SLC1A4: variants seen among roughly 807,000 people sequenced by gnomAD.
The protein encoded by SLC1A4 is neutral amino acid transporter A.
In SLC1A4, 19 loss-of-function variants were observed where a neutral mutation model predicts 37.7. The ratio of observed to expected loss-of-function variants is 0.50; its 90% confidence interval spans 0.35 to 0.74. The LOEUF (loss-of-function observed/expected upper bound fraction) is 0.74. Ranked by LOEUF, SLC1A4 falls within the 30% of genes least tolerant of loss-of-function variation. SLC1A4 has a pLI of 0.01. For missense variants in SLC1A4, 570 were observed against 712.9 expected (o/e 0.80, Z 2.28); for synonymous variants, 299 against 309.8 (o/e 0.97, Z 0.37).
intron 1 of SLC1A4, chr2:65,000,210 G>A (rs1236483789): frequency 6.6e-6 from 1 of 152,332 alleles, no homozygotes; most frequent in South Asian, 2.1e-4. Flanking sequence ...AGAATTTCTT[G>A]TATATCAAGA....
chr2:64,992,533 G>A (rs991710439), intron 1 of SLC1A4, among the ~76,000 whole-genome samples: 3 of 152,264 alleles, frequency 2.0e-5, no homozygotes, highest in East Asian at 3.9e-4. Context: ...AGCAGCTCAC[G>A]GATAAAGGTA....
At chr2:64,993,112 G>A (rs899212450) in intron 1 of SLC1A4, among the ~76,000 whole-genome samples, 2 of 152,222 alleles carry the variant, frequency 1.3e-5, no homozygotes, top group Admixed American at 1.3e-4. Context: ...GACTCTGCCA[G>A]TAAACGCCTC....
intron 1 of SLC1A4, among the ~76,000 whole-genome samples, chr2:64,995,134 C>T (rs535145146): frequency 2.0e-5 from 3 of 152,074 alleles, no homozygotes; most frequent in Admixed American, 6.5e-5. Flanking sequence ...CAGGAGGACA[C>T]CTGAATAGTT....
intron 7 of SLC1A4, among the ~76,000 whole-genome samples, chr2:65,019,085 G>T (rs908581738): frequency 6.6e-6 from 1 of 152,202 alleles, no homozygotes; most frequent in East Asian, 1.9e-4. Context: ...ATTTCTGTGA[G>T]GGGAGGGAGG....
In SLC1A4 at chr2:65,018,077, G is replaced by C. The variant is rs115498588; in HGVS notation, c.1041G>C (p.Ala347=). 3 of 1,612,018 alleles carry C rather than the reference G, an allele frequency of 1.9e-6. No individual in the cohort carries two copies. Among genetic ancestry groups the C allele is most frequent in the Non-Finnish European group, 2.5e-6 (3 of 1,178,568 alleles). Residue 347 remains alanine, a synonymous_variant, in exon 6 of 8, where the codon GCG becomes GCC. Coordinates refer to ENST00000234256, the MANE Select transcript of SLC1A4 (RefSeq NM_003038.5). This position sits in a 1 kb window ranked among gnomAD's most constrained non-coding sequence, Gnocchi z 4.3. ...TTGTTTTTCCCATTTCTAGCTCAGCGACCCTTCCCTCTATGATGAAGTGCA... is the reference window on the plus strand; with the variant it reads ...TTGTTTTTCCCATTTCTAGCTCAGCCACCCTTCCCTCTATGATGAAGTGCA... ...ATAFATCSSS[A]TLPSMMKCIE...
upstream of SLC1A4, among the ~76,000 whole-genome samples, chr2:64,989,110 G>A (rs1434357429): frequency 1.3e-5 from 2 of 152,016 alleles, no homozygotes; most frequent in African/African-American, 4.8e-5. Flanking sequence ...GCCCGGAGCC[G>A]GCCTCCGTTA....
chr2:65,020,382 T>G lies in SLC1A4; in HGVS notation c.1365-530T>G, dbSNP rs993668021. Among the ~76,000 whole-genome samples, 24 of 152,174 alleles carry G rather than the reference T, an allele frequency of 1.6e-4. 1 individual carries two copies. The highest frequency in any genetic ancestry group is 2.9e-5 in the Non-Finnish European group (2 of 68,038). ...CCTGGACTCAAGCAATCCCCCCACC[T>G]CAGCCTCCTGAGTAGCTAGGATTAC... On this transcript the variant is annotated intron_variant, in intron 7 of 7. Transcript: ENST00000234256.
chr2:64,988,554 G>T (rs111869239), upstream of SLC1A4: 1 of 152,466 alleles, frequency 6.6e-6, no homozygotes, highest in East Asian at 1.9e-4. Flanking sequence ...GGAGCGCCCC[G>T]GTGCGCGCGG....
intron 4 of SLC1A4, among the ~76,000 whole-genome samples, chr2:65,015,900 G>C (rs569021976): frequency 1.3e-5 from 2 of 152,314 alleles, no homozygotes; most frequent in Non-Finnish European, 2.9e-5. Flanking sequence ...TCACGCTCCA[G>C]GCGTGTTCCC....
At position 65,021,957 on chromosome 2, in the gene SLC1A4, C is replaced by G. The variant is rs1464987186; in HGVS notation, c.*811C>G. 1 of 152,340 alleles carries G rather than the reference C, an allele frequency of 6.6e-6. No individual in the cohort carries two copies. Among genetic ancestry groups the G allele is most frequent in the Non-Finnish European group, 1.5e-5 (1 of 68,108 alleles). The allele number at this position is 152,340 out of a possible 1,614,324, so 9.4% of individuals were successfully genotyped here. A position where few individuals can be genotyped will look rare whatever the true frequency, so the allele number is the denominator to read the frequency against. On this transcript the variant is annotated 3_prime_UTR_variant, in exon 8 of 8. Coordinates refer to ENST00000234256, the MANE Select transcript of SLC1A4 (RefSeq NM_003038.5). ...CACTTTTCTGCTTCCTTCCAGAGGCCTGGGCCTCTGATAACACTTTGGCTT... is the reference window on the plus strand; with the variant it reads ...CACTTTTCTGCTTCCTTCCAGAGGCGTGGGCCTCTGATAACACTTTGGCTT...
intron 4 of SLC1A4, among the ~76,000 whole-genome samples, chr2:65,011,091 T>A (rs1468107655): frequency 6.6e-6 from 1 of 152,204 alleles, no homozygotes; most frequent in Non-Finnish European, 1.5e-5. Flanking sequence ...TGTCATCTTG[T>A]GGGAAAGTGA....
chr2:65,023,728 C>CAAGGACAAGGAG lies in SLC1A4; in HGVS notation c.*2583_*2584insAGGACAAGGAGA, dbSNP rs1674523262. ...AATCTCACATCTCCTTGTCTGAAAA[C>CAAGGACAAGGAG]ATTTCCCCTGCTGTTCTCTTTCTAA... is the stretch of plus-strand genomic sequence containing the variant. On this transcript the variant is annotated 3_prime_UTR_variant, in exon 8 of 8. Coordinates refer to ENST00000234256, the MANE Select transcript of SLC1A4 (RefSeq NM_003038.5). The CAAGGACAAGGAG allele has an allele frequency of 6.5e-6, 1 of 152,678 alleles. No individual in the cohort carries two copies. Among genetic ancestry groups the CAAGGACAAGGAG allele is most frequent in the African/African-American group, 2.4e-5 (1 of 41,466 alleles). 9.5% of individuals were successfully genotyped at this position (152,678 alleles called of 1,614,324 possible). A position where few individuals can be genotyped will look rare whatever the true frequency, so the allele number is the denominator to read the frequency against.
At chr2:65,020,257 A>G (rs1051781854) in intron 7 of SLC1A4, among the ~76,000 whole-genome samples, 3 of 151,566 alleles carry the variant, frequency 2.0e-5, no homozygotes, top group African/African-American at 4.8e-5. Context: ...TATTATCCCA[A>G]TATGTTTGTT....
chr2:64,997,238 T>C (rs1204720786), intron 1 of SLC1A4, among the ~76,000 whole-genome samples: 2 of 152,212 alleles, frequency 1.3e-5, no homozygotes, highest in Non-Finnish European at 2.9e-5. Context: ...TAAAAAAAAG[T>C]TCAGCCCTCC....
intron 3 of SLC1A4, among the ~76,000 whole-genome samples, chr2:65,008,886 G>A (rs1179598116): frequency 6.6e-6 from 1 of 152,042 alleles, no homozygotes; most frequent in Non-Finnish European, 1.5e-5. Context: ...TTTATAAATG[G>A]GGAACTGAGT....
chr2:65,018,648 C>A lies in SLC1A4; in HGVS notation c.1333C>A (p.Leu445Met). The A allele has an allele frequency of 6.2e-7, 1 of 1,614,236 alleles. No homozygotes were observed. The highest frequency in any genetic ancestry group is 8.5e-7 in the Non-Finnish European group (1 of 1,180,044). ...LEAIGLPTHDLPLILAVDWIV... is the reference protein window; with the variant it reads ...LEAIGLPTHDMPLILAVDWIV... The stretch of plus-strand genomic sequence containing the variant: ...GGCCATTGGGCTGCCTACTCATGAC[C>A]TGCCTCTGATCCTGGCTGTGGACTG... Residue 445 changes from leucine to methionine, a missense_variant, in exon 7 of 8, where the codon CTG (leucine) becomes ATG (methionine). By Grantham distance (15) the Leu-to-Met change is conservative. Transcript: ENST00000234256. This position sits in a 1 kb window ranked among gnomAD's most constrained non-coding sequence, Gnocchi z 4.3.
intron 4 of SLC1A4, among the ~76,000 whole-genome samples, chr2:65,013,700 T>C (rs1674014130): frequency 6.6e-6 from 1 of 152,226 alleles, no homozygotes; most frequent in African/African-American, 2.4e-5. Context: ...ATGCCTTAAC[T>C]AGTTAAGGGA....
intron 4 of SLC1A4, among the ~76,000 whole-genome samples, chr2:65,015,580 C>T (rs577356942): frequency 3.3e-5 from 5 of 152,214 alleles, no homozygotes; most frequent in African/African-American, 7.2e-5. Flanking sequence ...GTATTACTAT[C>T]GGGTTTTTAA....
intron 5 of SLC1A4, among the ~76,000 whole-genome samples, chr2:65,017,763 T>C (rs545626954): frequency 6.6e-6 from 1 of 152,360 alleles, no homozygotes; most frequent in Admixed American, 6.5e-5. Context: ...AACTAGTTGT[T>C]TGTTCTCTCG....
Sources: allele counts gnomAD v4.1 joint callset (sites outside exome capture counted in the v4.1 genomes callset), GRCh38; gene constraint gnomAD v4.1.1; non-coding constraint Gnocchi (gnomAD v3.1); transcripts MANE v1.5; gene names NCBI Gene and HGNC (gene_info 2026-07-23, HGNC 2026-07-21).